UGGT1: variants seen among roughly 807,000 people sequenced by gnomAD.
UGGT1 encodes the protein UDP-glucose:glycoprotein glucosyltransferase 1.
Under a neutral mutation model 203.9 loss-of-function variants are expected in UGGT1, and 107 were observed. The ratio of observed to expected loss-of-function variants is 0.52; its 90% CI spans 0.45 to 0.62. UGGT1 has a LOEUF of 0.62. UGGT1 is among the 20% of genes least tolerant of loss of function. The pLI is 0.00. For synonymous variants in UGGT1, 628 were observed against 653.5 expected, an observed-to-expected ratio of 0.96 and a Z score of 0.59; for missense variants, 1,673 against 1,867.2, an observed-to-expected ratio of 0.90 and a Z score of 1.92.
At chr2:128,133,904 T>A (rs1044406442) in intron 14 of UGGT1, among the ~76,000 whole-genome samples, 1 of 152,144 alleles carries the variant, frequency 6.6e-6, no homozygotes, top group African/African-American at 2.4e-5. Context: ...ATTGGCCCAC[T>A]TTTTCCCTCT....
intron 18 of UGGT1, chr2:128,151,162 A>G (rs1287163662): frequency 2.2e-6 from 1 of 461,842 alleles, no homozygotes; most frequent in African/African-American, 2.0e-5. Flanking sequence ...AGATTTCTTA[A>G]TTTCACCTGC....
At chr2:128,187,414 C>T in intron 39 of UGGT1, 35 bp from the exon 40 acceptor site, 1 of 1,594,542 alleles carries the variant, frequency 6.3e-7, no homozygotes, top group South Asian at 1.1e-5. Flanking sequence ...GGCCTTTCTT[C>T]AACTCAGCTG....
At chr2:128,099,445 C>T (rs1237086158) in intron 2 of UGGT1, among the ~76,000 whole-genome samples, 1 of 152,110 alleles carries the variant, frequency 6.6e-6, no homozygotes, top group African/African-American at 2.4e-5. Context: ...TGCCTGGCCT[C>T]TAGAATTTTG....
At chr2:128,186,337 T>C (rs1178170423) in intron 38 of UGGT1, among the ~76,000 whole-genome samples, 1 of 152,240 alleles carries the variant, frequency 6.6e-6, no homozygotes, top group African/African-American at 2.4e-5. Context: ...CTGGGTGCAG[T>C]GGCTCATGCC....
intron 2 of UGGT1, among the ~76,000 whole-genome samples, chr2:128,100,440 C>G (rs559667427): frequency 2.0e-5 from 3 of 151,866 alleles, no homozygotes; most frequent in Admixed American, 6.6e-5. Flanking sequence ...GAGTTTCGCT[C>G]TTGTTGCCCA....
intron 26 of UGGT1, among the ~76,000 whole-genome samples, 197 bp from the exon 27 acceptor site, chr2:128,170,083 GACCTTTCA>G (rs1691015562): frequency 6.6e-6 from 1 of 152,036 alleles, no homozygotes; most frequent in Non-Finnish European, 1.5e-5. Flanking sequence ...TCTTTACATG[GACCTTTCA>G]GTCCATTTCA....
At chr2:128,125,293 C>T (rs1284907034) in intron 11 of UGGT1, among the ~76,000 whole-genome samples, 2 of 152,078 alleles carry the variant, frequency 1.3e-5, no homozygotes, top group Non-Finnish European at 2.9e-5. Flanking sequence ...GGGGGTAGCA[C>T]CGACCTCAGG....
chr2:128,098,128 G>A (rs1161601456), intron 2 of UGGT1, among the ~76,000 whole-genome samples: 1 of 152,180 alleles, frequency 6.6e-6, no homozygotes, highest in African/African-American at 2.4e-5. Flanking sequence ...CTCCCAAAGT[G>A]CTGGGATTAC....
In UGGT1 at chr2:128,115,169, T is replaced by C. The variant is rs751265900; in HGVS notation, c.742T>C (p.Leu248=). Residue 248 remains leucine (L), a synonymous_variant, in exon 7 of 41, where the codon TTG becomes CTG. Transcript: ENST00000259253. ...PVYLSGYGVE[L]AIKSTEYKAK... ...TTACCTCTCTGGCTATGGCGTGGAA[T>C]TGGCCATTAAGAGCACTGAGTACAA... 6.2e-7 allele frequency: 1 copy of C among 1,614,072 alleles called. No individual in the cohort carries two copies. The highest frequency in any genetic ancestry group is 1.1e-5 in the South Asian group (1 of 91,084).
At chr2:128,119,200 C>T (rs559364536) in intron 8 of UGGT1, among the ~76,000 whole-genome samples, 1 of 152,162 alleles carries the variant, frequency 6.6e-6, no homozygotes, top group African/African-American at 2.4e-5. Flanking sequence ...TTCAGAATTT[C>T]GGATTTGGGA....
At position 128,128,045 on chromosome 2, in the gene UGGT1, G is replaced by A. The variant is rs530937931; in HGVS notation, c.1226+593G>A. ...GCTGAGATTGCACCCCTGCACTCCA[G>A]CCTGGGCAACAGAGTGAGAATCCAT... is the stretch of plus-strand genomic sequence containing the variant. On this transcript the variant is annotated intron_variant, in intron 12 of 40. Coordinates refer to ENST00000259253, the MANE Select transcript of UGGT1 (RefSeq NM_020120.4). 2.1e-4 allele frequency among the ~76,000 whole-genome samples: 32 copies of A among 152,236 alleles called. No individual in the cohort carries two copies. In the East Asian group the frequency reaches 6.2e-3, roughly 30 times the overall value.
chr2:128,193,498 A>G lies in UGGT1; in HGVS notation c.*3756A>G, dbSNP rs1692375670. On this transcript the variant is annotated 3_prime_UTR_variant, in exon 41 of 41. Transcript: ENST00000259253. ...CTCAAACTCCTGACCTCAGGTGGTG[A>G]TCTGCCCACCTCGGCCTCCCAAAGT... The G allele has an allele frequency of 6.6e-6, 1 of 152,356 alleles. No individual in the cohort carries two copies. 9.4% of individuals were successfully genotyped at this position (152,356 alleles called of 1,614,324 possible).
chr2:128,139,358 A>G (rs1208894698), intron 16 of UGGT1, among the ~76,000 whole-genome samples: 1 of 152,214 alleles, frequency 6.6e-6, no homozygotes, highest in Non-Finnish European at 1.5e-5. Context: ...AGCTGGGATT[A>G]CGGCCGTGCA....
At chr2:128,121,024 G>C (rs1688358210) in intron 9 of UGGT1, among the ~76,000 whole-genome samples, 175 bp from the exon 10 acceptor site, 1 of 152,164 alleles carries the variant, frequency 6.6e-6, no homozygotes, top group African/African-American at 2.4e-5. Flanking sequence ...GAATACTCCA[G>C]AGATCTTTGA....
intron 13 of UGGT1, among the ~76,000 whole-genome samples, chr2:128,130,217 C>T (rs549749352): frequency 1.3e-3 from 198 of 149,046 alleles, no homozygotes; most frequent in African/African-American, 4.5e-3. Flanking sequence ...GCTGAGATCA[C>T]GCCACTGCGC....
At chr2:128,095,354 CCTTCCTCTTCTT>C (rs1399657456) in intron 1 of UGGT1, among the ~76,000 whole-genome samples, 1 of 150,972 alleles carries the variant, frequency 6.6e-6, no homozygotes, top group Non-Finnish European at 1.5e-5. Flanking sequence ...TTCTTCTTCT[CCTTCCTCTTCTT>C]CTTCCTCTTC....
chr2:128,128,973 A>AT, intron 12 of UGGT1, 56 bp from the exon 13 acceptor site: 18 of 1,462,936 alleles, frequency 1.2e-5, no homozygotes, highest in South Asian at 4.4e-5. Flanking sequence ...CATGGTGAGA[A>AT]TTTTTTTTAA....
rs1412524589 is a variant in UGGT1 at position 128,159,123 on chromosome 2, G to A, written c.2356-391G>A. On this transcript the variant is annotated intron_variant, in intron 22 of 40. Transcript: ENST00000259253. ...TTTTTTTTTTTTTTTTTAATGAGAC[G>A]GAGTCTTACTCTGTCATCCAGGCTG... 3.4e-5 allele frequency among the ~76,000 whole-genome samples: 5 copies of A among 146,800 alleles called. No homozygotes were observed. In the South Asian group the frequency reaches 8.7e-4, roughly 25 times the overall value.
intron 26 of UGGT1, among the ~76,000 whole-genome samples, chr2:128,169,675 T>C (rs531500965): frequency 5.3e-5 from 8 of 152,320 alleles, no homozygotes; most frequent in African/African-American, 1.7e-4. Flanking sequence ...TCTGACAGCT[T>C]CATTTGGTGA....
Sources: allele counts gnomAD v4.1 joint callset (sites outside exome capture counted in the v4.1 genomes callset), GRCh38; gene constraint gnomAD v4.1.1; transcripts MANE v1.5; gene names NCBI Gene and HGNC (gene_info 2026-07-23, HGNC 2026-07-21).